The following FANCA variants were observed in gnomAD, a reference collection of about 807,000 sequenced individuals.
FANCA encodes Fanconi anemia group A protein.
In FANCA, 236 loss-of-function variants were observed where a neutral mutation model predicts 194.3. That is an observed-to-expected ratio of 1.21 (90% CI 1.09 to 1.35). The LOEUF (loss-of-function observed/expected upper bound fraction) is 1.35. Among genes scored for constraint, FANCA ranks in the 40% most tolerant of loss-of-function variants. FANCA has a pLI of 0.00. For missense variants in FANCA, 2,628 were observed against 1,813.9 expected (o/e 1.45, Z -8.15); for synonymous variants, 1,014 against 715.8 (o/e 1.42, Z -6.65).
At chr16:89,753,983 G>A (rs1457428030) in intron 30 of FANCA, among the ~76,000 whole-genome samples, 30 of 152,344 alleles carry the variant, frequency 2.0e-4, no homozygotes, top group Non-Finnish European at 2.9e-5. Context: ...GAACCTGGAA[G>A]GCGGAGGTTG....
At chr16:89,800,732 T>C (rs2040417261) in intron 8 of FANCA, among the ~76,000 whole-genome samples, 1 of 151,974 alleles carries the variant, frequency 6.6e-6, no homozygotes, top group South Asian at 2.1e-4. Flanking sequence ...CGGAACAGGA[T>C]AGAGAACCCA....
intron 21 of FANCA, 107 bp from the exon 22 acceptor site, chr16:89,773,491 G>T: frequency 2.4e-6 from 2 of 827,700 alleles, no homozygotes; most frequent in Non-Finnish European, 2.0e-6. Flanking sequence ...CTTCCAAGCT[G>T]CTGTGTGTGG....
rs2143657009 is a variant in FANCA at position 89,808,317 on chromosome 16, C to G, written c.573G>C (p.Val191=). 1.2e-6 allele frequency: 2 copies of G among 1,614,140 alleles called. No individual in the cohort carries two copies. Among genetic ancestry groups the G allele is most frequent in the South Asian group, 2.2e-5 (2 of 91,074 alleles). Residue 191 remains valine (V), a synonymous_variant, in exon 6 of 43, where the codon GTG becomes GTC. Transcript: ENST00000389301. Reference sequence around the variant, plus strand: ...ACCTTTCCAGCAGCTCTTGCAGGCTCACAATGCCTTGTACGTGAAGATGCC... The same window carrying G: ...ACCTTTCCAGCAGCTCTTGCAGGCTGACAATGCCTTGTACGTGAAGATGCC... ...AVWHLHVQGI[V]SLQELLESHP...
chr16:89,791,124 G>A (rs185373097), intron 14 of FANCA: 48 of 440,104 alleles, frequency 1.1e-4, no homozygotes, highest in Admixed American at 8.2e-4. Flanking sequence ...AGGAGGCTCC[G>A]TCAACTAAGT....
At chr16:89,780,049 G>T in intron 17 of FANCA, 92 bp from the exon 18 acceptor site, 3 of 1,120,586 alleles carry the variant, frequency 2.7e-6, no homozygotes, top group Non-Finnish European at 2.7e-6. Flanking sequence ...GTGCTTCCTT[G>T]TTGAAAGGCT....
chr16:89,739,104 C>T (rs545928949), intron 41 of FANCA, 29 bp downstream of exon 41: 21 of 1,613,862 alleles, frequency 1.3e-5, no homozygotes, highest in Middle Eastern at 1.6e-4. Flanking sequence ...GGGAGCTCCC[C>T]TGGAGGTGGG....
At chr16:89,778,464 TAAAAAAAAA>T in intron 20 of FANCA, 1 of 203,220 alleles carries the variant, frequency 4.9e-6, no homozygotes, top group South Asian at 4.1e-5. Context: ...AGACTCCATC[TAAAAAAAAA>T]AAAAAAAAAA....
chr16:89,789,310 G>A (rs899215245), intron 14 of FANCA, among the ~76,000 whole-genome samples: 2 of 56,458 alleles, frequency 3.5e-5, no homozygotes, highest in African/African-American at 1.0e-4. Context: ...AAGGCCTGGG[G>A]GGGGAGCAGG....
At chr16:89,792,844 G>C (rs1224531484) in intron 11 of FANCA, 2 of 384,136 alleles carry the variant, frequency 5.2e-6, no homozygotes, top group African/African-American at 2.1e-5. Context: ...TGATAGGTAA[G>C]GTCACGTGTC....
Position 89,737,683 on chromosome 16 carries a change from C to CACTGCATGGTGAACCATGTGCAGAAAT in FANCA, c.*891_*917dup. ...CCCTCATAGGCCCCTTGCTTGGGCC[C>CACTGCATGGTGAACCATGTGCAGAAAT]ACTGCATGGTGAACCATGTGCAGAA... On this transcript the variant is annotated 3_prime_UTR_variant, in exon 43 of 43. Transcript: ENST00000389301. 1 of 1,544,290 alleles carries CACTGCATGGTGAACCATGTGCAGAAAT rather than the reference C, an allele frequency of 6.5e-7. No individual in the cohort carries two copies. Among genetic ancestry groups the CACTGCATGGTGAACCATGTGCAGAAAT allele is most frequent in the Non-Finnish European group, 8.7e-7 (1 of 1,144,362 alleles).
At chr16:89,742,361 G>A (rs544356288) in intron 37 of FANCA, among the ~76,000 whole-genome samples, 15 of 152,148 alleles carry the variant, frequency 9.9e-5, no homozygotes, top group African/African-American at 3.4e-4. Flanking sequence ...CAGAGGCTGA[G>A]GTAAGAGGAT....
intron 28 of FANCA, among the ~76,000 whole-genome samples, chr16:89,763,057 C>T (rs920789613): frequency 2.7e-5 from 4 of 150,718 alleles, no homozygotes; most frequent in Non-Finnish European, 5.9e-5. Flanking sequence ...ACCATCCTGG[C>T]TAACACAGTG....
chr16:89,788,229 A>G (rs2039959544), intron 14 of FANCA, among the ~76,000 whole-genome samples: 1 of 152,074 alleles, frequency 6.6e-6, no homozygotes, highest in African/African-American at 2.4e-5. Context: ...TTGGGAGGCT[A>G]AGTGGGGCGG....
At chr16:89,773,824 G>C (rs918223275) in intron 21 of FANCA, among the ~76,000 whole-genome samples, 2 of 150,170 alleles carry the variant, frequency 1.3e-5, no homozygotes, top group Non-Finnish European at 3.0e-5. Context: ...CCACGCTGGA[G>C]TGCAGTGGTG....
chr16:89,791,194 A>G (rs1216449697), intron 14 of FANCA: 1 of 645,332 alleles, frequency 1.5e-6, no homozygotes, highest in Non-Finnish European at 2.7e-6. Flanking sequence ...GCTCCTCGGA[A>G]CATGCAGAGG....
chr16:89,747,626 G>A (rs1012591464), intron 33 of FANCA, among the ~76,000 whole-genome samples: 1 of 152,108 alleles, frequency 6.6e-6, no homozygotes, highest in Admixed American at 6.6e-5. Context: ...TTGAACCTGG[G>A]AGGCGGAGGT....
Position 89,737,881 on chromosome 16 carries a change from G to A in FANCA, c.*720C>T, listed in dbSNP as rs766504577. 4.3e-6 allele frequency: 7 copies of A among 1,613,806 alleles called. No individual in the cohort carries two copies. Among genetic ancestry groups the A allele is most frequent in the South Asian group, 2.2e-5 (2 of 91,042 alleles). ...AAGCACCTTCTCGTCCACCAAATGC[G>A]ACATTCGGGAGCCAAGCCTTTGCAG... On this transcript the variant is annotated 3_prime_UTR_variant, in exon 43 of 43. Coordinates refer to ENST00000389301, the MANE Select transcript of FANCA (RefSeq NM_000135.4).
At position 89,775,782 on chromosome 16, in the gene FANCA, G is replaced by T. The variant is rs1041601770; in HGVS notation, c.1860C>A (p.Thr620=). The T allele has an allele frequency of 3.1e-6, 5 of 1,612,852 alleles. No individual in the cohort carries two copies. The highest frequency in any genetic ancestry group is 3.4e-6 in the Non-Finnish European group (4 of 1,179,506). The change falls in exon 21 of 43, where the codon ACC becomes ACA. Residue 620 remains threonine (T), a synonymous_variant. Transcript: ENST00000389301. ...ADKIPPSLYS[T]YCQACSAAEE... ...CAGCAGCAGAGCAGGCCTGGCAGTA[G>T]GTGGAGTACAGAGATGGGGGGATTT...
chr16:89,810,865 C>T, intron 4 of FANCA, 63 bp from the exon 5 acceptor site: 9 of 1,613,398 alleles, frequency 5.6e-6, no homozygotes, highest in Non-Finnish European at 6.8e-6. Context: ...AAGCTATGTC[C>T]TATTTTCCCA....
Sources: allele counts gnomAD v4.1 joint callset (sites outside exome capture counted in the v4.1 genomes callset), GRCh38; gene constraint gnomAD v4.1.1; transcripts MANE v1.5; gene names NCBI Gene and HGNC (gene_info 2026-07-23, HGNC 2026-07-21).